Variants in POLD3 observed in about 807,000 individuals in gnomAD.
POLD3 encodes DNA polymerase delta 3, accessory subunit.
In POLD3, 19 loss-of-function variants were observed where a neutral mutation model predicts 58.2. The ratio of observed to expected loss-of-function variants is 0.33; its 90% CI spans 0.23 to 0.48. The LOEUF (loss-of-function observed/expected upper bound fraction) is 0.48. POLD3 is among the 20% of genes least tolerant of loss of function. POLD3 has a pLI of 0.99. For missense variants in POLD3, 504 were observed against 545.5 expected (o/e 0.92, Z 0.76); for synonymous variants, 172 against 193.5 (o/e 0.89, Z 0.92).
chr11:74,646,519 G>A (rs1022805015), downstream of POLD3, among the ~76,000 whole-genome samples: 7 of 152,138 alleles, frequency 4.6e-5, no homozygotes, highest in African/African-American at 1.7e-4. Flanking sequence ...AAGAGAGGCT[G>A]GACTAAAATT....
At chr11:74,614,693 G>C (rs2032026819) in intron 5 of POLD3, among the ~76,000 whole-genome samples, 1 of 138,460 alleles carries the variant, frequency 7.2e-6, no homozygotes, top group South Asian at 2.5e-4. Flanking sequence ...CTGGGCGACA[G>C]AGCAAGACTC....
downstream of POLD3, among the ~76,000 whole-genome samples, chr11:74,644,997 C>A (rs2032981198): frequency 6.6e-6 from 1 of 152,150 alleles, no homozygotes; most frequent in African/African-American, 2.4e-5. Context: ...TATGTTTAGT[C>A]CTGGATAAAA....
At chr11:74,600,911 GT>G (rs750544135) in intron 2 of POLD3, among the ~76,000 whole-genome samples, 6 of 151,894 alleles carry the variant, frequency 4.0e-5, no homozygotes, top group Non-Finnish European at 8.8e-5. Context: ...TAGAGACGAG[GT>G]TTCTCTATGT....
chr11:74,594,984 C>T (rs534294492), intron 2 of POLD3, among the ~76,000 whole-genome samples: 1 of 152,190 alleles, frequency 6.6e-6, no homozygotes, highest in Admixed American at 6.5e-5. Context: ...CACAGCCAAA[C>T]TAGGATTGGA....
At chr11:74,655,040 A>T (rs1001139039) in intron 4 of POLD3, among the ~76,000 whole-genome samples, 8 of 152,242 alleles carry the variant, frequency 5.3e-5, no homozygotes, top group Non-Finnish European at 8.8e-5. Context: ...CCATGCACAC[A>T]GGTAGAGGAA....
chr11:74,616,397 A>G (rs965983524), intron 5 of POLD3, among the ~76,000 whole-genome samples: 1 of 152,240 alleles, frequency 6.6e-6, no homozygotes, highest in Non-Finnish European at 1.5e-5. Context: ...TTTAGGATTG[A>G]GCAGAGATCT....
rs560305377 is a variant in POLD3, at chr11:74,632,681, T to G, written c.1007-1902T>G. 2.9e-3 allele frequency among the ~76,000 whole-genome samples: 443 copies of G among 152,260 alleles called. 3 individuals carry two copies. Among genetic ancestry groups the G allele is most frequent in the African/African-American group, 0.01 (425 of 41,520 alleles). On this transcript the variant is annotated intron_variant, in intron 9 of 11. Coordinates refer to ENST00000263681, the MANE Select transcript of POLD3 (RefSeq NM_006591.3). Reference sequence around the variant, plus strand: ...CCATGGATTTGTTGAAATTTCTTAATCATTAAGGACTCTTGACTCTACTAT... The same window carrying G: ...CCATGGATTTGTTGAAATTTCTTAAGCATTAAGGACTCTTGACTCTACTAT...
chr11:74,641,167 T>C lies in POLD3; in HGVS notation c.*401T>C, dbSNP rs1487503778. 2.0e-6 allele frequency: 2 copies of C among 987,862 alleles called. No homozygotes were observed. Among genetic ancestry groups the C allele is most frequent in the Non-Finnish European group, 2.4e-6 (2 of 831,604 alleles). 61.2% of individuals were successfully genotyped at this position (987,862 alleles called of 1,614,324 possible). On this transcript the variant is annotated 3_prime_UTR_variant, in exon 12 of 12. Coordinates refer to ENST00000263681, the MANE Select transcript of POLD3 (RefSeq NM_006591.3). Reference sequence around the variant, plus strand: ...TGTTCCTCTGTATTCTAAGAATTCATGTGGGTGTTTCTTATCCTTACATTC... The same window carrying C: ...TGTTCCTCTGTATTCTAAGAATTCACGTGGGTGTTTCTTATCCTTACATTC...
In POLD3 at chr11:74,636,314, C is replaced by T. The variant is rs199657999; in HGVS notation, c.1198+39C>T. The T allele has an allele frequency of 3.2e-5, 51 of 1,597,628 alleles. No individual in the cohort carries two copies. The East Asian group carries it at 1.1e-3, about 35-fold the overall frequency. ...TTGGCTCCAAATCCAGAGATAGAAT[C>T]TCTTATTACCACAGAGGCACCATAA... On this transcript the variant is annotated intron_variant, in intron 11 of 11. Transcript: ENST00000263681.
intron 11 of POLD3, among the ~76,000 whole-genome samples, chr11:74,637,173 C>T (rs1035658876): frequency 6.6e-6 from 1 of 151,378 alleles, no homozygotes; most frequent in African/African-American, 2.4e-5. Context: ...TTTCCTAGTT[C>T]AGACTTGTTT....
At chr11:74,646,962 A>G (rs2033006835), downstream of POLD3, among the ~76,000 whole-genome samples, 1 of 152,252 alleles carries the variant, frequency 6.6e-6, no homozygotes, top group African/African-American at 2.4e-5. Flanking sequence ...TTCCATGGCC[A>G]GATAGGGGAG....
intron 4 of POLD3, among the ~76,000 whole-genome samples, chr11:74,664,487 C>A (rs1307844682): frequency 6.6e-6 from 1 of 152,132 alleles, no homozygotes; most frequent in Non-Finnish European, 1.5e-5. Context: ...ATACCAAATT[C>A]TTCACAAACT....
At chr11:74,608,097 G>T (rs2031759653) in intron 3 of POLD3, among the ~76,000 whole-genome samples, 1 of 152,024 alleles carries the variant, frequency 6.6e-6, no homozygotes, top group South Asian at 2.1e-4. Flanking sequence ...TGCTTTATGG[G>T]TTCCCTGTTA....
chr11:74,624,914 G>A (rs951674243), intron 7 of POLD3, among the ~76,000 whole-genome samples: 1 of 152,102 alleles, frequency 6.6e-6, no homozygotes, highest in Non-Finnish European at 1.5e-5. Flanking sequence ...AGAGTGAAGC[G>A]GGGTTTGAAC....
chr11:74,611,721 A>G (rs1251843987), intron 4 of POLD3, among the ~76,000 whole-genome samples, 183 bp downstream of exon 4: 1 of 152,196 alleles, frequency 6.6e-6, no homozygotes, highest in African/African-American at 2.4e-5. Context: ...CTGACTTCCC[A>G]TTTTTAGGGC....
intron 7 of POLD3, among the ~76,000 whole-genome samples, chr11:74,624,924 C>G (rs2032382970): frequency 6.6e-6 from 1 of 152,048 alleles, no homozygotes; most frequent in African/African-American, 2.4e-5. Flanking sequence ...GGGGTTTGAA[C>G]CAAACTTCTT....
Position 74,641,428 on chromosome 11 carries a change from A to T in POLD3, c.*662A>T, listed in dbSNP as rs1365331490. On this transcript the variant is annotated 3_prime_UTR_variant, in exon 12 of 12. Coordinates refer to ENST00000263681, the MANE Select transcript of POLD3 (RefSeq NM_006591.3). ...CTCTCTGGGACCTTCACTTGCAATT[A>T]GTGGTTAGGGAAAAGCCTCAGGCAG... is the stretch of plus-strand genomic sequence containing the variant. 1.0e-6 allele frequency: 1 copy of T among 985,426 alleles called. No homozygotes were observed. The highest frequency in any genetic ancestry group is 1.2e-6 in the Non-Finnish European group (1 of 829,938). 61.0% of individuals were successfully genotyped at this position (985,426 alleles called of 1,614,324 possible).
intron 3 of POLD3, among the ~76,000 whole-genome samples, chr11:74,607,700 A>G (rs539514450): frequency 6.8e-6 from 1 of 147,626 alleles, no homozygotes; most frequent in East Asian, 2.0e-4. Context: ...TCCTGCCTCA[A>G]CCCCCCAAGT....
At position 74,620,022 on chromosome 11, in the gene POLD3, T is replaced by C. The variant is rs749845281; in HGVS notation, c.666T>C (p.Ser222=). 1 of 1,613,632 alleles carries C rather than the reference T, an allele frequency of 6.2e-7. No individual in the cohort carries two copies. Residue 222 remains serine, a synonymous_variant, in exon 7 of 12, where the codon TCT becomes TCC. Coordinates refer to ENST00000263681, the MANE Select transcript of POLD3 (RefSeq NM_006591.3). Reference sequence around the variant, plus strand: ...TGTGTTTTCTGTGCTTGTAGGCATCTGCAGCAGGCAACAAGGCACCAGGGA... The same window carrying C: ...TGTGTTTTCTGTGCTTGTAGGCATCCGCAGCAGGCAACAAGGCACCAGGGA... ...KTEAKEVTNA[S]AAGNKAPGKG...
Sources: gnomAD v4.1 joint callset for allele counts (sites outside exome capture counted in the v4.1 genomes callset) on GRCh38, gnomAD v4.1.1 for gene constraint, MANE v1.5 for transcripts, NCBI Gene and HGNC (gene_info 2026-07-23, HGNC 2026-07-21) for gene names.